The following TNKS variants were observed in gnomAD, a reference collection of about 807,000 sequenced individuals.
TNKS encodes poly [ADP-ribose] polymerase tankyrase-1.
A neutral mutation model predicts 135.8 loss-of-function variants in TNKS; 72 were observed. The ratio of observed to expected loss-of-function variants is 0.53; its 90% CI spans 0.44 to 0.64. TNKS has a LOEUF of 0.64. TNKS is among the 30% of genes least tolerant of loss of function. TNKS has a pLI of 0.00. For missense variants in TNKS, 1,769 were observed against 1,674.0 expected (o/e 1.06, Z -0.99); for synonymous variants, 849 against 649.3 (o/e 1.31, Z -4.68).
At chr8:9,775,486 T>C (rs915756227) in intron 26 of TNKS, among the ~76,000 whole-genome samples, 3 of 139,188 alleles carry the variant, frequency 2.2e-5, no homozygotes, top group Non-Finnish European at 4.7e-5. Flanking sequence ...TATATATATA[T>C]ATATATATAT....
At chr8:9,602,881 T>G (rs1187169990) in intron 2 of TNKS, among the ~76,000 whole-genome samples, 3 of 152,202 alleles carry the variant, frequency 2.0e-5, no homozygotes, top group Non-Finnish European at 4.4e-5. Flanking sequence ...CTGTTGTATA[T>G]TTTATACTTA....
chr8:9,718,195 T>G (rs1299691729), intron 11 of TNKS, among the ~76,000 whole-genome samples: 1 of 152,170 alleles, frequency 6.6e-6, no homozygotes, highest in Non-Finnish European at 1.5e-5. Flanking sequence ...ACTTTCAATT[T>G]GTTGTGGTTT....
At chr8:9,727,162 C>G (rs1346178996) in intron 13 of TNKS, among the ~76,000 whole-genome samples, 1 of 152,130 alleles carries the variant, frequency 6.6e-6, no homozygotes, top group Non-Finnish European at 1.5e-5. Context: ...CACATTTATT[C>G]TAGGAAAGCA....
intron 1 of TNKS, among the ~76,000 whole-genome samples, chr8:9,563,212 T>G (rs1010352417): frequency 1.3e-5 from 2 of 152,164 alleles, no homozygotes; most frequent in East Asian, 1.9e-4. Flanking sequence ...TAAGCTCTTG[T>G]ACCCATTAAA....
intron 3 of TNKS, among the ~76,000 whole-genome samples, chr8:9,629,992 T>G (rs1800223992): frequency 6.6e-6 from 1 of 152,210 alleles, no homozygotes; most frequent in South Asian, 2.1e-4. Flanking sequence ...AACTACTTTC[T>G]CTTAATATTT....
chr8:9,748,908 G>A (rs574274960), intron 18 of TNKS, among the ~76,000 whole-genome samples: 22 of 152,276 alleles, frequency 1.4e-4, no homozygotes, highest in African/African-American at 5.1e-4. Context: ...ACATAAAGAC[G>A]GCTTCATTCA....
At position 9,708,509 on chromosome 8, in the gene TNKS, A is replaced by C; in HGVS notation, c.1578+17A>C. The C allele has an allele frequency of 1.3e-6, 2 of 1,573,876 alleles. No individual in the cohort carries two copies. The highest frequency in any genetic ancestry group is 1.7e-6 in the Non-Finnish European group (2 of 1,161,122). Reference sequence around the variant, plus strand: ...ACAGCACTGGTAAGATTTTATTGTTAATCTATTCCCTGTGTCTATAATAAT... The same window carrying C: ...ACAGCACTGGTAAGATTTTATTGTTCATCTATTCCCTGTGTCTATAATAAT... On this transcript the variant is annotated intron_variant, in intron 9 of 26. Coordinates refer to ENST00000310430, the MANE Select transcript of TNKS (RefSeq NM_003747.3).
intron 23 of TNKS, among the ~76,000 whole-genome samples, chr8:9,765,176 A>T (rs1324729534): frequency 6.6e-6 from 1 of 152,204 alleles, no homozygotes; most frequent in Non-Finnish European, 1.5e-5. Flanking sequence ...ACCTCAGAAT[A>T]CATATATTTC....
chr8:9,765,194 C>T (rs1429530695), intron 23 of TNKS, among the ~76,000 whole-genome samples: 1 of 152,106 alleles, frequency 6.6e-6, no homozygotes, highest in Non-Finnish European at 1.5e-5. Flanking sequence ...TTCTTAATCT[C>T]GGTATCTCAA....
chr8:9,642,637 A>G (rs1303204462), intron 3 of TNKS, among the ~76,000 whole-genome samples: 1 of 146,232 alleles, frequency 6.8e-6, no homozygotes, highest in Non-Finnish European at 1.5e-5. Context: ...AGTTTAATAT[A>G]CTGCAGTTTA....
At chr8:9,700,936 C>CCT (rs1563176390) in intron 5 of TNKS, among the ~76,000 whole-genome samples, 1 of 142,098 alleles carries the variant, frequency 7.0e-6, no homozygotes. Context: ...GTTTTGCCCC[C>CCT]TTTTTTTTTT....
intron 20 of TNKS, among the ~76,000 whole-genome samples, chr8:9,755,050 C>T (rs2128830142): frequency 6.6e-6 from 1 of 152,248 alleles, no homozygotes; most frequent in Middle Eastern, 3.4e-3. Context: ...GCTAAATAAA[C>T]CAAAGACCTT....
At chr8:9,741,219 A>C (rs1805942483) in intron 17 of TNKS, 1 of 152,884 alleles carries the variant, frequency 6.5e-6, no homozygotes, top group Admixed American at 6.5e-5. Flanking sequence ...TTTTCTACTA[A>C]TCCTTTTGCT....
intron 1 of TNKS, chr8:9,558,265 T>A (rs576599821): frequency 6.6e-6 from 1 of 152,330 alleles, no homozygotes; most frequent in South Asian, 2.1e-4. Flanking sequence ...TTAAAGGAAA[T>A]CATTGTTAGG....
chr8:9,622,860 G>A (rs1799916473), intron 3 of TNKS, among the ~76,000 whole-genome samples: 1 of 152,086 alleles, frequency 6.6e-6, no homozygotes, highest in Admixed American at 6.5e-5. Flanking sequence ...GTGGGGATAC[G>A]TTCCAAGACC....
chr8:9,761,566 A>C lies in TNKS; in HGVS notation c.3204A>C (p.Ile1068=), dbSNP rs370745031. The C allele has an allele frequency of 8.1e-6, 13 of 1,611,792 alleles. No individual in the cohort carries two copies. The African/African-American group carries it at 1.7e-4, about 22-fold the overall frequency. ...ADMGHEELKE[I]GINAYGHRHK... ...TGGGTCATGAAGAGTTGAAAGAAAT[A>C]GGCATCAATGCATATGGGCACCGCC... The change falls in exon 21 of 27, where the codon ATA becomes ATC. Residue 1068 remains isoleucine, a synonymous_variant. Transcript: ENST00000310430.
At chr8:9,679,379 T>G (rs1464722742) in intron 3 of TNKS, among the ~76,000 whole-genome samples, 1 of 152,226 alleles carries the variant, frequency 6.6e-6, no homozygotes, top group Non-Finnish European at 1.5e-5. Flanking sequence ...GTAGTTCACG[T>G]ATTTCTAGTC....
At chr8:9,743,126 A>T (rs1259585469) in intron 17 of TNKS, among the ~76,000 whole-genome samples, 1 of 152,192 alleles carries the variant, frequency 6.6e-6, no homozygotes, top group African/African-American at 2.4e-5. Context: ...GCCTGGCCAC[A>T]TATCATTTTG....
Position 9,782,240 on chromosome 8 carries a change from T to G in TNKS, c.*5504T>G, listed in dbSNP as rs774268015. On this transcript the variant is annotated 3_prime_UTR_variant, in exon 27 of 27. Transcript: ENST00000310430. ...ACCTGCCTGCCTGGTGGGTTTCTAT[T>G]TAAGACATCTTTGTGATTATATTTA... 14 of 152,664 alleles carry G rather than the reference T, an allele frequency of 9.2e-5. No individual in the cohort carries two copies. The highest frequency in any genetic ancestry group is 1.8e-4 in the Non-Finnish European group (12 of 68,056). The allele number at this position is 152,664 out of a possible 1,614,324, so 9.5% of individuals were successfully genotyped here. A position where few individuals can be genotyped will look rare whatever the true frequency, so the allele number is the denominator to read the frequency against.
Sources: gnomAD v4.1 joint callset for allele counts (sites outside exome capture counted in the v4.1 genomes callset) on GRCh38, gnomAD v4.1.1 for gene constraint, MANE v1.5 for transcripts, NCBI Gene and HGNC (gene_info 2026-07-23, HGNC 2026-07-21) for gene names.